GTF2F2: variants seen among roughly 807,000 people sequenced by gnomAD.
The protein encoded by GTF2F2 is general transcription factor IIF subunit 2.
GTF2F2 carries 23 observed loss-of-function variants against 42.2 expected under a neutral mutation model. The ratio of observed to expected loss-of-function variants is 0.55; its 90% CI spans 0.39 to 0.77. The LOEUF is 0.77. GTF2F2 is among the 30% of genes least tolerant of loss of function. GTF2F2 has a pLI of 0.00. For synonymous variants in GTF2F2, 105 were observed against 100.8 expected, an observed-to-expected ratio of 1.04 and a Z score of -0.25; for missense variants, 261 against 287.2, an observed-to-expected ratio of 0.91 and a Z score of 0.66.
intron 4 of GTF2F2, among the ~76,000 whole-genome samples, chr13:45,154,413 G>A (rs1468101182): frequency 6.6e-6 from 1 of 152,154 alleles, no homozygotes; most frequent in Non-Finnish European, 1.5e-5. Flanking sequence ...GTTCTCTAAA[G>A]GGAATGTGGT....
At chr13:45,234,383 T>C (rs1874843186) in intron 5 of GTF2F2, among the ~76,000 whole-genome samples, 1 of 152,158 alleles carries the variant, frequency 6.6e-6, no homozygotes, top group African/African-American at 2.4e-5. Flanking sequence ...GATTTGTAAA[T>C]CATCAACTAT....
At position 45,136,722 on chromosome 13, in the gene GTF2F2, CTTTG is replaced by C; in HGVS notation, c.67-7_67-4del. ...CTAAAATAGACTTATTAGTGTTTTA[CTTTG>C]TTTTAGGTTCCTAAATATTTGTCAC... On this transcript the variant is annotated splice_polypyrimidine_tract_variant and splice_region_variant and intron_variant, in intron 1 of 7. Transcript: ENST00000340473. 1 of 1,485,670 alleles carries C rather than the reference CTTTG, an allele frequency of 6.7e-7. No homozygotes were observed. The highest frequency in any genetic ancestry group is 1.7e-4 in the Middle Eastern group (1 of 5,734). 92.0% of individuals were successfully genotyped at this position (1,485,670 alleles called of 1,614,324 possible). A position where few individuals can be genotyped will look rare whatever the true frequency, so the allele number is the denominator to read the frequency against.
chr13:45,240,725 G>A (rs1329660609), intron 5 of GTF2F2, among the ~76,000 whole-genome samples: 1 of 152,104 alleles, frequency 6.6e-6, no homozygotes, highest in Non-Finnish European at 1.5e-5. Context: ...CTACTCAGGA[G>A]GCTGAAGCAG....
At chr13:45,211,365 A>AT (rs1053518430) in intron 5 of GTF2F2, among the ~76,000 whole-genome samples, 90 of 144,224 alleles carry the variant, frequency 6.2e-4, no homozygotes, top group African/African-American at 2.1e-3. Flanking sequence ...GAGGCTCAAA[A>AT]TTTTTTTTGT....
intron 4 of GTF2F2, chr13:45,193,773 T>A (rs770917508): frequency 6.4e-7 from 1 of 1,555,136 alleles, no homozygotes; most frequent in African/African-American, 1.4e-5. Context: ...TTGCCTTTGT[T>A]CGTGACACAG....
intron 1 of GTF2F2, among the ~76,000 whole-genome samples, chr13:45,135,284 CTT>C (rs1869559898): frequency 6.6e-6 from 1 of 151,304 alleles, no homozygotes; most frequent in African/African-American, 2.4e-5. Context: ...TGTTCAGTAA[CTT>C]TATTTATTTT....
At chr13:45,247,593 C>T (rs565427064) in intron 5 of GTF2F2, among the ~76,000 whole-genome samples, 3 of 151,986 alleles carry the variant, frequency 2.0e-5, no homozygotes, top group East Asian at 2.0e-4. Flanking sequence ...AGGGTTTCAC[C>T]GAGTTGGCCA....
chr13:45,259,842 G>A (rs980762458), intron 6 of GTF2F2, among the ~76,000 whole-genome samples: 2 of 151,820 alleles, frequency 1.3e-5, no homozygotes, highest in East Asian at 1.9e-4. Context: ...CACCCATCTC[G>A]GCCTCCCAAA....
intron 5 of GTF2F2, among the ~76,000 whole-genome samples, chr13:45,210,265 C>T (rs1593492932): frequency 1.3e-5 from 2 of 152,164 alleles, no homozygotes; most frequent in African/African-American, 4.8e-5. Context: ...CTTCCCTCCC[C>T]TCCACTCATT....
intron 4 of GTF2F2, chr13:45,194,219 A>T (rs1478361844): frequency 1.2e-6 from 2 of 1,614,132 alleles, no homozygotes; most frequent in South Asian, 2.2e-5. Context: ...TTGAGCTGAA[A>T]GAATTCTGCT....
chr13:45,231,008 C>G (rs1340499098), intron 5 of GTF2F2, among the ~76,000 whole-genome samples: 2 of 151,792 alleles, frequency 1.3e-5, no homozygotes, highest in African/African-American at 4.8e-5. Context: ...AGGTTCAATT[C>G]TAGTATTAAT....
In GTF2F2 at chr13:45,122,416, A is replaced by G. The variant is rs149114800; in HGVS notation, c.66+1695A>G. Among the ~76,000 whole-genome samples, 618 of 152,128 alleles carry G rather than the reference A, an allele frequency of 4.1e-3. 3 individuals are homozygous for G. The highest frequency in any genetic ancestry group is 0.014 in the African/African-American group (601 of 41,526). On this transcript the variant is annotated intron_variant, in intron 1 of 7. Coordinates refer to ENST00000340473, the MANE Select transcript of GTF2F2 (RefSeq NM_004128.3). ...TTTGGGAGGCCGAGGTGGGTGGATC[A>G]TGAGGTCAAGAGTTCGAGACCAGCC...
intron 5 of GTF2F2, among the ~76,000 whole-genome samples, chr13:45,208,400 G>A (rs143969268): frequency 0.015 from 2,277 of 152,228 alleles, 45 homozygotes; most frequent in Non-Finnish European, 0.023. Flanking sequence ...CTGTTTCATA[G>A]TTTATTTTTA....
chr13:45,220,511 A>G (rs1392254308), intron 5 of GTF2F2, among the ~76,000 whole-genome samples: 1 of 152,170 alleles, frequency 6.6e-6, no homozygotes, highest in Non-Finnish European at 1.5e-5. Context: ...CCATACTTAT[A>G]CTACCATATA....
intron 5 of GTF2F2, among the ~76,000 whole-genome samples, chr13:45,234,520 A>G (rs1874851848): frequency 6.6e-6 from 1 of 152,230 alleles, no homozygotes; most frequent in Non-Finnish European, 1.5e-5. Context: ...TAGGAAAAAA[A>G]CTGGCTTAAA....
At chr13:45,167,231 T>A (rs1368613641) in intron 4 of GTF2F2, among the ~76,000 whole-genome samples, 2 of 141,612 alleles carry the variant, frequency 1.4e-5, no homozygotes, top group African/African-American at 3.0e-5. Context: ...ACTATTTTAC[T>A]ATTTTTTTTT....
intron 7 of GTF2F2, among the ~76,000 whole-genome samples, chr13:45,274,323 CTTTTTTTT>C (rs367793010): frequency 2.0e-5 from 2 of 102,430 alleles, no homozygotes; most frequent in East Asian, 2.4e-4. Flanking sequence ...ACAAATTATA[CTTTTTTTT>C]TTTTTTTTTT....
chr13:45,282,252 G>A (rs1235576158), intron 7 of GTF2F2, among the ~76,000 whole-genome samples: 1 of 151,856 alleles, frequency 6.6e-6, no homozygotes, highest in African/African-American at 2.4e-5. Flanking sequence ...TCTTCTCCAA[G>A]AAGGAAATTC....
chr13:45,125,510 G>C (rs1272643660), intron 1 of GTF2F2, among the ~76,000 whole-genome samples: 1 of 152,044 alleles, frequency 6.6e-6, no homozygotes, highest in Non-Finnish European at 1.5e-5. Context: ...AGTAGAGACG[G>C]GGTTTCACTG....
Sources: allele counts gnomAD v4.1 joint callset (sites outside exome capture counted in the v4.1 genomes callset), GRCh38; gene constraint gnomAD v4.1.1; transcripts MANE v1.5; gene names NCBI Gene and HGNC (gene_info 2026-07-23, HGNC 2026-07-21).